The following KBTBD6 variants were observed in gnomAD, a reference collection of about 807,000 sequenced individuals.
KBTBD6 encodes the protein kelch repeat and BTB domain containing 6, also known as kelch repeat and BTB domain-containing protein 6.
A neutral mutation model predicts 34.4 loss-of-function variants in KBTBD6; 6 were observed. The observed-to-expected ratio is 0.17, with a 90% CI of 0.10 to 0.34. KBTBD6 has a LOEUF of 0.34. KBTBD6 is among the 10% of genes least tolerant of loss of function. The pLI is 1.00. For synonymous variants in KBTBD6, 288 were observed against 327.2 expected (o/e 0.88, Z 1.29); for missense variants, 557 against 856.0 (o/e 0.65, Z 4.36).
Position 41,127,986 on chromosome 13 carries a change from A to G in KBTBD6, c.*2501T>C, listed in dbSNP as rs2030022868. ...CACTAAAGCACATTTGCCCTTTTGAAGCACATACTAGTATGGCACATTTTA... is the reference window on the plus strand; with the variant it reads ...CACTAAAGCACATTTGCCCTTTTGAGGCACATACTAGTATGGCACATTTTA... On this transcript the variant is annotated 3_prime_UTR_variant, in exon 1 of 1. Transcript: ENST00000379485. 1 of 152,250 alleles carries G rather than the reference A, an allele frequency of 6.6e-6. No homozygotes were observed. The highest frequency in any genetic ancestry group is 2.1e-4 in the South Asian group (1 of 4,830). The allele number at this position is 152,250 out of a possible 1,614,324, so 9.4% of individuals were successfully genotyped here. A position where few individuals can be genotyped will look rare whatever the true frequency, so the allele number is the denominator to read the frequency against.
rs2138515952 is a variant in KBTBD6, at chr13:41,129,625, C to T, written c.*862G>A. 1 of 150,602 alleles carries T rather than the reference C, an allele frequency of 6.6e-6. No individual in the cohort carries two copies. The highest frequency in any genetic ancestry group is 2.1e-4 in the South Asian group (1 of 4,764). 9.3% of individuals were successfully genotyped at this position (150,602 alleles called of 1,614,324 possible). On this transcript the variant is annotated 3_prime_UTR_variant, in exon 1 of 1. Transcript: ENST00000379485. The stretch of plus-strand genomic sequence containing the variant: ...ATAAATGAAGTCACCACTCAGTCAC[C>T]CTAATACACATATGGTTTTTTTTCT...
chr13:41,131,471 G>A lies in KBTBD6; in HGVS notation c.1041C>T (p.Ile347=). Residue 347 remains isoleucine, a synonymous_variant, in exon 1 of 1, where the codon ATC becomes ATT. Coordinates refer to ENST00000379485, the MANE Select transcript of KBTBD6 (RefSeq NM_152903.5). The surrounding 1 kb of genome is among the most constrained non-coding windows in gnomAD (Gnocchi z 5.8). ...AGGGATCTCTGGGGTGTCCAAAGAA[G>A]ATCACCATCTCCTTGGCACACATAC... The part of the protein sequence containing the change: ...RLGMCAKEMV[I]FFGHPRDPFL... The A allele has an allele frequency of 6.2e-7, 1 of 1,614,178 alleles. No homozygotes were observed. The highest frequency in any genetic ancestry group is 8.5e-7 in the Non-Finnish European group (1 of 1,180,036).
Position 41,128,418 on chromosome 13 carries a change from T to A in KBTBD6, c.*2069A>T. Reference sequence around the variant, plus strand: ...GTTTTAGTGTGTTTAACAATGTCAGTTTCGTGGGATTTAGTCTCTGTTCCA... The same window carrying A: ...GTTTTAGTGTGTTTAACAATGTCAGATTCGTGGGATTTAGTCTCTGTTCCA... On this transcript the variant is annotated 3_prime_UTR_variant, in exon 1 of 1. Transcript: ENST00000379485. 1 of 391,250 alleles carries A rather than the reference T, an allele frequency of 2.6e-6. No homozygotes were observed. The highest frequency in any genetic ancestry group is 2.1e-5 in the African/African-American group (1 of 48,634). The allele number at this position is 391,250 out of a possible 1,614,324, so 24.2% of individuals were successfully genotyped here. A position where few individuals can be genotyped will look rare whatever the true frequency, so the allele number is the denominator to read the frequency against.
rs1368467722 is a variant in KBTBD6 at position 41,129,176 on chromosome 13, G to C, written c.*1311C>G. Reference sequence around the variant, plus strand: ...TAGCTTATATATATTTTCAAAATCAGTATTACCTCACAAAACAGTAAAGAA... The same window carrying C: ...TAGCTTATATATATTTTCAAAATCACTATTACCTCACAAAACAGTAAAGAA... On this transcript the variant is annotated 3_prime_UTR_variant, in exon 1 of 1. Transcript: ENST00000379485. 6.6e-6 allele frequency: 1 copy of C among 152,482 alleles called. No individual in the cohort carries two copies. Among genetic ancestry groups the C allele is most frequent in the Non-Finnish European group, 1.5e-5 (1 of 68,018 alleles). The allele number at this position is 152,482 out of a possible 1,614,324, so 9.4% of individuals were successfully genotyped here.
chr13:41,130,218 A>T lies in KBTBD6; in HGVS notation c.*269T>A. On this transcript the variant is annotated 3_prime_UTR_variant, in exon 1 of 1. Transcript: ENST00000379485. This position sits in a 1 kb window ranked among gnomAD's most constrained non-coding sequence, Gnocchi z 4.8. The stretch of plus-strand genomic sequence containing the variant: ...GTAAAATGTATCAAAAGACTAAATT[A>T]GTGTCATGAAACATAAACATACTAA... 1 of 308,692 alleles carries T rather than the reference A, an allele frequency of 3.2e-6. No homozygotes were observed. Among genetic ancestry groups the T allele is most frequent in the African/African-American group, 2.2e-5 (1 of 46,388 alleles). The allele number at this position is 308,692 out of a possible 1,614,324, so 19.1% of individuals were successfully genotyped here.
In KBTBD6 at chr13:41,132,780, A is replaced by C; in HGVS notation, c.-269T>G. 1 of 509,324 alleles carries C rather than the reference A, an allele frequency of 2.0e-6. No individual in the cohort carries two copies. The highest frequency in any genetic ancestry group is 2.9e-5 in the South Asian group (1 of 34,454). 31.6% of individuals were successfully genotyped at this position (509,324 alleles called of 1,614,324 possible). A position where few individuals can be genotyped will look rare whatever the true frequency, so the allele number is the denominator to read the frequency against. On this transcript the variant is annotated 5_prime_UTR_variant, in exon 1 of 1. Transcript: ENST00000379485. ...CTGGCTTGGAGCCGCAGAAGCCGCTACTGCAGCGTGGGCGACAATGCTAGG... is the reference window on the plus strand; with the variant it reads ...CTGGCTTGGAGCCGCAGAAGCCGCTCCTGCAGCGTGGGCGACAATGCTAGG...
chr13:41,131,493 A>G lies in KBTBD6; in HGVS notation c.1019T>C (p.Met340Thr). The change falls in exon 1 of 1, where the codon ATG becomes ACG. Residue 340 changes from methionine (M) to threonine (T), a missense_variant. Transcript: ENST00000379485. This position sits in a 1 kb window ranked among gnomAD's most constrained non-coding sequence, Gnocchi z 5.8. Reference sequence around the variant, plus strand: ...GAAGATCACCATCTCCTTGGCACACATACCCAGTCTCTGGGGTGGATTTTC... The same window carrying G: ...GAAGATCACCATCTCCTTGGCACACGTACCCAGTCTCTGGGGTGGATTTTC... ...AAENPPQRLG[M>T]CAKEMVIFFG... 1 of 1,614,206 alleles carries G rather than the reference A, an allele frequency of 6.2e-7. No individual in the cohort carries two copies. Among genetic ancestry groups the G allele is most frequent in the Non-Finnish European group, 8.5e-7 (1 of 1,180,040 alleles).
rs1375874881 is a variant in KBTBD6, at chr13:41,129,398, C to T, written c.*1089G>A. The stretch of plus-strand genomic sequence containing the variant: ...ATCAGGTTTAGATCAACAATACAAA[C>T]CTACAAAGCAAGTTACTTCTTTTTT... On this transcript the variant is annotated 3_prime_UTR_variant, in exon 1 of 1. Coordinates refer to ENST00000379485, the MANE Select transcript of KBTBD6 (RefSeq NM_152903.5). The T allele has an allele frequency of 6.6e-6, 1 of 152,146 alleles. No homozygotes were observed. The highest frequency in any genetic ancestry group is 1.5e-5 in the Non-Finnish European group (1 of 68,028). The allele number at this position is 152,146 out of a possible 1,614,324, so 9.4% of individuals were successfully genotyped here.
Position 41,132,298 on chromosome 13 carries a change from G to C in KBTBD6, c.214C>G (p.Pro72Ala). Residue 72 changes from proline (P) to alanine (A), a missense_variant, in exon 1 of 1, where the codon CCT becomes GCT. Physicochemically the swap from Pro to Ala is conservative, Grantham distance 27. Coordinates refer to ENST00000379485, the MANE Select transcript of KBTBD6 (RefSeq NM_152903.5). Reference protein sequence around the residue: ...LCDVTIEVVTPGSGPGTGRLF... With the variant: ...LCDVTIEVVTAGSGPGTGRLF... ...CGACCCGTGCCAGGCCCGCTGCCAG[G>C]CGTCACCACCTCGATGGTCACATCA... 2.5e-6 allele frequency: 4 copies of C among 1,614,230 alleles called. No homozygotes were observed. The highest frequency in any genetic ancestry group is 3.4e-6 in the Non-Finnish European group (4 of 1,180,056).
rs2138516962 is a variant in KBTBD6 at position 41,131,014 on chromosome 13, T to C, written c.1498A>G (p.Ser500Gly). ...ACGCACTTCAGCCACATATTGTGGCTAGGATCATAACAGAACATGCGCTTA... is the reference window on the plus strand; with the variant it reads ...ACGCACTTCAGCCACATATTGTGGCCAGGATCATAACAGAACATGCGCTTA... ...NSKRMFCYDP[S>G]HNMWLKCVSL... The change falls in exon 1 of 1, where the codon AGC becomes GGC. Residue 500 changes from serine to glycine, a missense_variant. Physicochemically the swap from Ser to Gly is moderately conservative, Grantham distance 56. Transcript: ENST00000379485. The surrounding 1 kb of genome is among the most constrained non-coding windows in gnomAD (Gnocchi z 5.8). The C allele has an allele frequency of 1.2e-6, 2 of 1,614,158 alleles. No homozygotes were observed. Among genetic ancestry groups the C allele is most frequent in the Non-Finnish European group, 1.7e-6 (2 of 1,180,018 alleles).
At position 41,130,511 on chromosome 13, in the gene KBTBD6, A is replaced by G. The variant is rs2030069426; in HGVS notation, c.2001T>C (p.Phe667=). 9 of 1,613,770 alleles carry G rather than the reference A, an allele frequency of 5.6e-6. No individual in the cohort carries two copies. In the South Asian group the frequency reaches 7.7e-5, roughly 14 times the overall value. Residue 667 remains phenylalanine (F), a synonymous_variant, in exon 1 of 1, where the codon TTT becomes TTC. Coordinates refer to ENST00000379485, the MANE Select transcript of KBTBD6 (RefSeq NM_152903.5). The surrounding 1 kb of genome is among the most constrained non-coding windows in gnomAD (Gnocchi z 4.8). Reference sequence around the variant, plus strand: ...TTCACTGAGGCGCTACACGCACCCAAAAATCATCATCAGAAAGAGAACTTG... The same window carrying G: ...TTCACTGAGGCGCTACACGCACCCAGAAATCATCATCAGAAAGAGAACTTG... ...GSSSSLSDDD[F]WVRVAPQ
Position 41,131,391 on chromosome 13 carries a change from G to T in KBTBD6, c.1121C>A (p.Thr374Asn). ...GACAGTCCTAGTGTGAGCCAGACAG[G>T]TCAAAGGTGACGGCACTTTGTAAAG... ...GDLYKVPSPLTCLAHTRTVTT... is the reference protein window; with the variant it reads ...GDLYKVPSPLNCLAHTRTVTT... The change falls in exon 1 of 1, where the codon ACC becomes AAC. Residue 374 changes from threonine (T) to asparagine (N), a missense_variant. Around this residue, in one of 4 missense-constraint regions of KBTBD6, gnomAD observed 309 missense variants for 504.5 expected, o/e 0.61. Coordinates refer to ENST00000379485, the MANE Select transcript of KBTBD6 (RefSeq NM_152903.5). The surrounding 1 kb of genome is among the most constrained non-coding windows in gnomAD (Gnocchi z 5.8). 1 of 1,614,120 alleles carries T rather than the reference G, an allele frequency of 6.2e-7. No homozygotes were observed. The highest frequency in any genetic ancestry group is 8.5e-7 in the Non-Finnish European group (1 of 1,179,992).
At position 41,132,516 on chromosome 13, in the gene KBTBD6, G is replaced by A. The variant is rs751426111; in HGVS notation, c.-5C>T. ...GGCGTCTTCCCGGGACTGCATGGTG[G>A]AGATGGCGACGGGCGCTGATGGCGA... is the stretch of plus-strand genomic sequence containing the variant. On this transcript the variant is annotated 5_prime_UTR_variant, in exon 1 of 1. Coordinates refer to ENST00000379485, the MANE Select transcript of KBTBD6 (RefSeq NM_152903.5). 1 of 1,609,748 alleles carries A rather than the reference G, an allele frequency of 6.2e-7. No individual in the cohort carries two copies. Among genetic ancestry groups the A allele is most frequent in the Non-Finnish European group, 8.5e-7 (1 of 1,176,694 alleles).
chr13:41,132,584 C>G lies in KBTBD6; in HGVS notation c.-73G>C. 2.0e-6 allele frequency: 3 copies of G among 1,510,040 alleles called. No homozygotes were observed. The South Asian group carries it at 3.7e-5, about 19-fold the overall frequency. 93.5% of individuals were successfully genotyped at this position (1,510,040 alleles called of 1,614,324 possible). A position where few individuals can be genotyped will look rare whatever the true frequency, so the allele number is the denominator to read the frequency against. ...GGCTCTGGCTCCTCCTCAACCTTCC[C>G]TCGCTGACGCTAAGATAGCAGCGTC... On this transcript the variant is annotated 5_prime_UTR_variant, in exon 1 of 1. Transcript: ENST00000379485.
rs746926913 is a variant in KBTBD6, at chr13:41,132,319, C to T, written c.193G>A (p.Val65Met). The T allele has an allele frequency of 6.2e-7, 1 of 1,614,268 alleles. No individual in the cohort carries two copies. The highest frequency in any genetic ancestry group is 8.5e-7 in the Non-Finnish European group (1 of 1,180,056). ...CCAGGCGTCACCACCTCGATGGTCA[C>T]ATCACACAGCAGCCGCGCATCGTAG... Reference protein sequence around the residue: ...SFYDARLLCDVTIEVVTPGSG... With the variant: ...SFYDARLLCDMTIEVVTPGSG... Residue 65 changes from valine to methionine, a missense_variant, in exon 1 of 1, where the codon GTG becomes ATG. Transcript: ENST00000379485.
Position 41,130,221 on chromosome 13 carries a change from G to C in KBTBD6, c.*266C>G. ...AAATGTATCAAAAGACTAAATTAGT[G>C]TCATGAAACATAAACATACTAAATA... On this transcript the variant is annotated 3_prime_UTR_variant, in exon 1 of 1. Coordinates refer to ENST00000379485, the MANE Select transcript of KBTBD6 (RefSeq NM_152903.5). This position sits in a 1 kb window ranked among gnomAD's most constrained non-coding sequence, Gnocchi z 4.8. 3.1e-6 allele frequency: 1 copy of C among 318,976 alleles called. No homozygotes were observed. Among genetic ancestry groups the C allele is most frequent in the Middle Eastern group, 9.1e-4 (1 of 1,104 alleles). The allele number at this position is 318,976 out of a possible 1,614,324, so 19.8% of individuals were successfully genotyped here.
chr13:41,131,829 A>C lies in KBTBD6; in HGVS notation c.683T>G (p.Leu228Trp). Residue 228 changes from leucine (L) to tryptophan (W), a missense_variant, in exon 1 of 1, where the codon TTG (leucine) becomes TGG (tryptophan). Leu to Trp is a moderately conservative substitution (Grantham distance 61). This residue lies in a region of KBTBD6 where 100 missense variants were observed against 102.1 expected (regional missense o/e 0.98). Transcript: ENST00000379485. This position sits in a 1 kb window ranked among gnomAD's most constrained non-coding sequence, Gnocchi z 5.8. Reference sequence around the variant, plus strand: ...CTCACTCTCCACGTCCAGACTATCCAAGCGCAGGACAGCCAGCAGCTGGGC... The same window carrying C: ...CTCACTCTCCACGTCCAGACTATCCCAGCGCAGGACAGCCAGCAGCTGGGC... ...TLAQLLAVLR[L>W]DSLDVESEQT... 6.2e-7 allele frequency: 1 copy of C among 1,614,240 alleles called. No individual in the cohort carries two copies. The highest frequency in any genetic ancestry group is 8.5e-7 in the Non-Finnish European group (1 of 1,180,036).
At position 41,132,662 on chromosome 13, in the gene KBTBD6, G is replaced by A; in HGVS notation, c.-151C>T. ...TTACTGAATTCAACCCTACCCCGCA[G>A]AACCGCCTCCCGTTATCGTTTAGAC... On this transcript the variant is annotated 5_prime_UTR_variant, in exon 1 of 1. Transcript: ENST00000379485. 2 of 908,922 alleles carry A rather than the reference G, an allele frequency of 2.2e-6. No homozygotes were observed. The highest frequency in any genetic ancestry group is 3.5e-5 in the South Asian group (2 of 57,558). 56.3% of individuals were successfully genotyped at this position (908,922 alleles called of 1,614,324 possible). A position where few individuals can be genotyped will look rare whatever the true frequency, so the allele number is the denominator to read the frequency against.
chr13:41,132,776 C>T lies in KBTBD6; in HGVS notation c.-265G>A. ...CCCGCTGGCTTGGAGCCGCAGAAGC[C>T]GCTACTGCAGCGTGGGCGACAATGC... On this transcript the variant is annotated 5_prime_UTR_variant, in exon 1 of 1. Coordinates refer to ENST00000379485, the MANE Select transcript of KBTBD6 (RefSeq NM_152903.5). 3.8e-6 allele frequency: 2 copies of T among 526,506 alleles called. No individual in the cohort carries two copies. The highest frequency in any genetic ancestry group is 6.9e-6 in the Non-Finnish European group (2 of 288,714). 32.6% of individuals were successfully genotyped at this position (526,506 alleles called of 1,614,324 possible).
Sources: gnomAD v4.1 joint callset for allele counts on GRCh38, gnomAD v4.1.1 for gene constraint, gnomAD v4.1.1 regional missense constraint, Gnocchi (gnomAD v3.1) non-coding constraint, MANE v1.5 for transcripts, NCBI Gene and HGNC (gene_info 2026-07-23, HGNC 2026-07-21) for gene names.